The following PSMD1 variants were observed in gnomAD, a reference collection of about 807,000 sequenced individuals.
PSMD1 encodes the protein 26S proteasome non-ATPase regulatory subunit 1.
PSMD1 carries 18 observed loss-of-function variants against 119.0 expected under a neutral mutation model. The observed-to-expected ratio is 0.15, with a 90% CI of 0.10 to 0.22. PSMD1 has a LOEUF of 0.22. Among genes scored for constraint, PSMD1 ranks in the 10% least tolerant of loss-of-function variants. The pLI, the probability that PSMD1 is intolerant of heterozygous loss-of-function variation, is 1.00. For synonymous variants in PSMD1, 374 were observed against 396.6 expected (o/e 0.94, Z 0.68); for missense variants, 702 against 1,158.5 (o/e 0.61, Z 5.72).
chr2:231,149,440 G>A (rs901362957), intron 18 of PSMD1, among the ~76,000 whole-genome samples: 1 of 152,116 alleles, frequency 6.6e-6, no homozygotes, highest in African/African-American at 2.4e-5. Flanking sequence ...TTCAAGGCCA[G>A]CCTGAACAAC....
At chr2:231,114,005 A>G in intron 16 of PSMD1, 1 of 1,167,860 alleles carries the variant, frequency 8.6e-7, no homozygotes, top group South Asian at 1.3e-5. Context: ...TTCAGGTGAT[A>G]CATCTTTTGT....
intron 4 of PSMD1, among the ~76,000 whole-genome samples, chr2:231,064,887 C>G (rs1693861326): frequency 7.0e-6 from 1 of 143,742 alleles, no homozygotes; most frequent in Admixed American, 6.8e-5. Flanking sequence ...GTCTTAAACT[C>G]CTGGCCTCAA....
At chr2:231,127,941 A>G (rs1226698572) in intron 16 of PSMD1, among the ~76,000 whole-genome samples, 1 of 152,234 alleles carries the variant, frequency 6.6e-6, no homozygotes, top group Non-Finnish European at 1.5e-5. Flanking sequence ...CTAATCCAGT[A>G]ATAACCAAAA....
intron 16 of PSMD1, among the ~76,000 whole-genome samples, chr2:231,118,138 T>G (rs1695406451): frequency 6.6e-6 from 1 of 152,124 alleles, no homozygotes; most frequent in South Asian, 2.1e-4. Flanking sequence ...AGTACCTGTT[T>G]TATAGGATTT....
chr2:231,076,831 G>T (rs544694894), intron 8 of PSMD1, among the ~76,000 whole-genome samples: 1 of 151,956 alleles, frequency 6.6e-6, no homozygotes, highest in East Asian at 1.9e-4. Flanking sequence ...ATTTTACATC[G>T]AAAGCTAGCT....
intron 19 of PSMD1, among the ~76,000 whole-genome samples, chr2:231,156,951 T>C (rs1696520604): frequency 6.6e-6 from 1 of 152,206 alleles, no homozygotes; most frequent in Admixed American, 6.6e-5. Flanking sequence ...CTCCACAGTT[T>C]TAGTTTTGCC....
chr2:231,077,427 A>G (rs1019166794), intron 9 of PSMD1, among the ~76,000 whole-genome samples: 1 of 152,144 alleles, frequency 6.6e-6, no homozygotes, highest in Non-Finnish European at 1.5e-5. Flanking sequence ...TAATGTATAC[A>G]TGGAGCAGTT....
At chr2:231,113,974 G>A (rs1695248557) in intron 16 of PSMD1, 21 of 1,481,630 alleles carry the variant, frequency 1.4e-5, no homozygotes, top group Non-Finnish European at 2.0e-5. Context: ...CTATAAAATG[G>A]CAACTTTCAG....
chr2:231,082,323 C>T (rs1363120655), intron 12 of PSMD1, among the ~76,000 whole-genome samples: 2 of 152,232 alleles, frequency 1.3e-5, no homozygotes, highest in Non-Finnish European at 2.9e-5. Flanking sequence ...ACCTCAGCCT[C>T]CTAAAGTGCC....
intron 16 of PSMD1, chr2:231,123,505 T>C (rs1350214527): frequency 5.0e-6 from 8 of 1,614,054 alleles, no homozygotes; most frequent in Admixed American, 1.7e-5. Context: ...ATTAGTAGCA[T>C]ACTGCAGCTT....
At chr2:231,123,777 T>C (rs1695640728) in intron 16 of PSMD1, 2 of 1,588,892 alleles carry the variant, frequency 1.3e-6, no homozygotes, top group Admixed American at 3.3e-5. Flanking sequence ...GCTGTTTTTC[T>C]GTGATTCAAT....
chr2:231,103,169 G>A (rs768199844), intron 16 of PSMD1, among the ~76,000 whole-genome samples: 12 of 152,142 alleles, frequency 7.9e-5, no homozygotes, highest in Admixed American at 7.9e-4. Flanking sequence ...TTCCTATCGT[G>A]GATGGAAATG....
At chr2:231,107,454 C>G (rs144524321) in intron 16 of PSMD1, among the ~76,000 whole-genome samples, 3 of 152,132 alleles carry the variant, frequency 2.0e-5, no homozygotes, top group Non-Finnish European at 4.4e-5. Flanking sequence ...ATAACAGGAG[C>G]ATTAAAATAT....
At chr2:231,112,821 CT>C (rs111558249) in intron 16 of PSMD1, among the ~76,000 whole-genome samples, 3,587 of 152,220 alleles carry the variant, frequency 0.024, 156 homozygotes, top group African/African-American at 0.082. Flanking sequence ...TACATAATTT[CT>C]GAACATCGGT....
chr2:231,057,110 G>T, intron 1 of PSMD1, 69 bp downstream of exon 1: 2 of 1,426,112 alleles, frequency 1.4e-6, no homozygotes, highest in Non-Finnish European at 1.8e-6. Flanking sequence ...GCTGAGTCAG[G>T]GCCGGTGACT....
intron 16 of PSMD1, among the ~76,000 whole-genome samples, chr2:231,129,224 C>T (rs1695798894): frequency 6.6e-6 from 1 of 152,188 alleles, no homozygotes; most frequent in South Asian, 2.1e-4. Flanking sequence ...ATACAGTTCT[C>T]AATGAATAGC....
At position 231,157,436 on chromosome 2, in the gene PSMD1, T is replaced by C. The variant is rs905705934; in HGVS notation, c.2218+3770T>C. Among the ~76,000 whole-genome samples the C allele has an allele frequency of 1.8e-4, 27 of 150,948 alleles. 1 individual carries two copies. The highest frequency in any genetic ancestry group is 6.9e-3 in the Middle Eastern group (2 of 290). ...CTGTTTGTCTTTTCTTTTTCTTTTT[T>C]TTTTTTTTTATATCTTCTTTTTTTG... On this transcript the variant is annotated intron_variant, in intron 19 of 24. Coordinates refer to ENST00000308696, the MANE Select transcript of PSMD1 (RefSeq NM_002807.4).
intron 16 of PSMD1, among the ~76,000 whole-genome samples, chr2:231,090,370 T>C (rs1472726199): frequency 6.6e-6 from 1 of 152,194 alleles, no homozygotes; most frequent in Non-Finnish European, 1.5e-5. Flanking sequence ...GGTGAAACCC[T>C]GTCTGCGGTG....
intron 16 of PSMD1, among the ~76,000 whole-genome samples, chr2:231,099,385 C>T (rs1265589662): frequency 6.6e-6 from 1 of 152,164 alleles, no homozygotes; most frequent in Admixed American, 6.5e-5. Context: ...CCTCATTCGA[C>T]CCAAAGTTTG....
Sources: gnomAD v4.1 joint callset for allele counts (sites outside exome capture counted in the v4.1 genomes callset) on GRCh38, gnomAD v4.1.1 for gene constraint, MANE v1.5 for transcripts, NCBI Gene and HGNC (gene_info 2026-07-23, HGNC 2026-07-21) for gene names.